The following IRAK2 variants were observed in gnomAD, a reference collection of about 807,000 sequenced individuals.
The protein encoded by IRAK2 is interleukin-1 receptor-associated kinase-like 2.
IRAK2 carries 57 observed loss-of-function variants against 72.0 expected under a neutral mutation model. That is an observed-to-expected ratio of 0.79 (90% CI 0.64 to 0.99). IRAK2 has a LOEUF of 0.99. Ranked by LOEUF, IRAK2 falls within the 50% of genes least tolerant of loss-of-function variation. The pLI is 0.00. For missense variants in IRAK2, 790 were observed against 794.4 expected, an observed-to-expected ratio of 0.99 and a Z score of 0.07; for synonymous variants, 293 against 312.7, an observed-to-expected ratio of 0.94 and a Z score of 0.67.
intron 2 of IRAK2, among the ~76,000 whole-genome samples, chr3:10,182,404 T>G (rs1696973840): frequency 6.6e-6 from 1 of 151,676 alleles, no homozygotes; most frequent in South Asian, 2.1e-4. Context: ...TGCCTCAGCC[T>G]CCCGAGTAGG....
At chr3:10,233,274 A>G (rs1281805326) in intron 10 of IRAK2, among the ~76,000 whole-genome samples, 3 of 151,778 alleles carry the variant, frequency 2.0e-5, no homozygotes, top group Non-Finnish European at 4.4e-5. Flanking sequence ...CTGGTCTCGA[A>G]CTCCTGACCT....
In IRAK2 at chr3:10,234,633, C is replaced by T. The variant is rs1484465812; in HGVS notation, c.1447C>T (p.Arg483Trp). 2 of 1,613,156 alleles carry T rather than the reference C, an allele frequency of 1.2e-6. No homozygotes were observed. The highest frequency in any genetic ancestry group is 1.3e-5 in the African/African-American group (1 of 75,038). Reference sequence around the variant, plus strand: ...GGCCACGGCTGCCTGCCTGTGCCTGCGGAGGCGTAACACCAGCCTGCAGGA... The same window carrying T: ...GGCCACGGCTGCCTGCCTGTGCCTGTGGAGGCGTAACACCAGCCTGCAGGA... ...ALATAACLCL[R>W]RRNTSLQEVC... is the part of the protein sequence containing the mutation. Residue 483 changes from arginine (R) to tryptophan (W), a missense_variant, in exon 11 of 13, where the codon CGG becomes TGG. Physicochemically the swap from Arg to Trp is moderately radical, Grantham distance 101. Coordinates refer to ENST00000256458, the MANE Select transcript of IRAK2 (RefSeq NM_001570.4).
chr3:10,193,299 C>T (rs1575965464), intron 2 of IRAK2, among the ~76,000 whole-genome samples: 2 of 152,190 alleles, frequency 1.3e-5, no homozygotes, highest in East Asian at 3.9e-4. Flanking sequence ...AGCAAGGCAG[C>T]TTTCACGGAT....
chr3:10,230,374 G>A (rs1419764581), intron 10 of IRAK2, among the ~76,000 whole-genome samples: 1 of 151,944 alleles, frequency 6.6e-6, no homozygotes, highest in African/African-American at 2.4e-5. Context: ...GGCTGGAGGA[G>A]TGCAGTGGCA....
Position 10,212,119 on chromosome 3 carries a change from A to C in IRAK2, c.529-1088A>C, listed in dbSNP as rs529365623. ...AATTACGTACATGTGTTTTAAAGAG[A>C]GAAGTTATTAAAAACGGAAACAGAA... On this transcript the variant is annotated intron_variant, in intron 4 of 12. Transcript: ENST00000256458. 7.9e-5 allele frequency among the ~76,000 whole-genome samples: 12 copies of C among 151,770 alleles called. 1 individual carries two copies. The South Asian group carries it at 1.9e-3, about 24-fold the overall frequency.
intron 4 of IRAK2, among the ~76,000 whole-genome samples, chr3:10,212,234 A>G (rs990481706): frequency 6.6e-6 from 1 of 152,230 alleles, no homozygotes; most frequent in African/African-American, 2.4e-5. Context: ...TGTGCAGCCC[A>G]GGATGGCTTT....
At chr3:10,188,719 T>A (rs1575962707) in intron 2 of IRAK2, among the ~76,000 whole-genome samples, 1 of 152,280 alleles carries the variant, frequency 6.6e-6, no homozygotes, top group Admixed American at 6.5e-5. Flanking sequence ...AGAGACAGGG[T>A]TTCTCCATGT....
chr3:10,192,296 G>C (rs1036587707), intron 2 of IRAK2, among the ~76,000 whole-genome samples: 1 of 152,072 alleles, frequency 6.6e-6, no homozygotes, highest in Non-Finnish European at 1.5e-5. Flanking sequence ...GGGTTGGGGG[G>C]AATTTCCAGA....
chr3:10,224,131 G>A (rs567708561), intron 9 of IRAK2, among the ~76,000 whole-genome samples: 1 of 152,282 alleles, frequency 6.6e-6, no homozygotes, highest in African/African-American at 2.4e-5. Context: ...GAGGTCAGGA[G>A]TTCAAGACCA....
chr3:10,179,530 T>C (rs1012199416), intron 2 of IRAK2, among the ~76,000 whole-genome samples: 1 of 151,726 alleles, frequency 6.6e-6, no homozygotes, highest in African/African-American at 2.4e-5. Context: ...GCCTCCTGGG[T>C]TCAAGTGATT....
chr3:10,235,264 T>A (rs751623186), intron 11 of IRAK2, among the ~76,000 whole-genome samples: 11 of 151,842 alleles, frequency 7.2e-5, no homozygotes, highest in Non-Finnish European at 1.3e-4. Context: ...GAAGTAGCCG[T>A]GGCTTCCATG....
Position 10,213,535 on chromosome 3 carries a change from C to T in IRAK2, c.775C>T (p.Gln259Ter). The part of the protein sequence containing the change: ...SIERFFQAEL[Q>*]ICLRCCHPNV... ...CGAAAGATTCTTCCAGGCAGAGTTG[C>T]AGATTTGTCTTAGGTAAGCCTCCCC... The change falls in exon 6 of 13, where the codon CAG becomes TAG. Residue 259 changes from glutamine (Q) to a stop codon, truncating the protein, a stop_gained. Transcript: ENST00000256458. LOFTEE classifies it high-confidence loss of function. 6.2e-7 allele frequency: 1 copy of T among 1,613,892 alleles called. No individual in the cohort carries two copies. The highest frequency in any genetic ancestry group is 8.5e-7 in the Non-Finnish European group (1 of 1,179,784).
chr3:10,207,266 T>G (rs1279219825), intron 3 of IRAK2, among the ~76,000 whole-genome samples: 3 of 152,142 alleles, frequency 2.0e-5, no homozygotes, highest in Non-Finnish European at 4.4e-5. Context: ...AATAAATTTT[T>G]TAATAGCCAA....
chr3:10,206,862 AT>A (rs34603459), intron 3 of IRAK2, among the ~76,000 whole-genome samples: 149,693 of 149,868 alleles, frequency 1, 74,759 homozygotes, highest in Middle Eastern at 1. Flanking sequence ...GCCAAAACAA[AT>A]TTTTTTTTTT....
At chr3:10,200,955 C>A (rs1242180081) in intron 3 of IRAK2, among the ~76,000 whole-genome samples, 2 of 152,166 alleles carry the variant, frequency 1.3e-5, no homozygotes, top group African/African-American at 4.8e-5. Context: ...TAATGTCAGA[C>A]AGTCACAACA....
chr3:10,192,061 T>TG (rs1553623790), intron 2 of IRAK2, among the ~76,000 whole-genome samples: 28 of 131,856 alleles, frequency 2.1e-4, no homozygotes, highest in African/African-American at 5.5e-4. Flanking sequence ...TGTGTGTGTG[T>TG]TGTGTGTTGT....
intron 2 of IRAK2, among the ~76,000 whole-genome samples, chr3:10,183,508 G>A (rs977013366): frequency 2.0e-5 from 3 of 152,168 alleles, no homozygotes; most frequent in Non-Finnish European, 1.5e-5. Context: ...ACAAGGTCAG[G>A]AGATCGAGAC....
At chr3:10,230,390 A>G (rs899132822) in intron 10 of IRAK2, among the ~76,000 whole-genome samples, 5 of 151,848 alleles carry the variant, frequency 3.3e-5, no homozygotes, top group African/African-American at 9.7e-5. Context: ...TGGCATGATC[A>G]TAGCTCACTG....
intron 2 of IRAK2, among the ~76,000 whole-genome samples, chr3:10,195,416 C>T (rs753184803): frequency 1.3e-5 from 2 of 151,912 alleles, no homozygotes; most frequent in African/African-American, 2.4e-5. Flanking sequence ...ATTAGCTGGG[C>T]GTGGTGTTGC....
Sources: gnomAD v4.1 joint callset for allele counts (sites outside exome capture counted in the v4.1 genomes callset) on GRCh38, gnomAD v4.1.1 for gene constraint, MANE v1.5 for transcripts, NCBI Gene and HGNC (gene_info 2026-07-23, HGNC 2026-07-21) for gene names.